GRIA4: variants seen among roughly 807,000 people sequenced by gnomAD.
GRIA4 encodes glutamate ionotropic receptor AMPA type subunit 4.
Under a neutral mutation model 104.0 loss-of-function variants are expected in GRIA4, and 34 were observed. The observed-to-expected ratio is 0.33, with a 90% CI of 0.25 to 0.44. The LOEUF (loss-of-function observed/expected upper bound fraction) is 0.44, where lower values mean the gene tolerates loss of function less well. Among genes scored for constraint, GRIA4 ranks in the 20% least tolerant of loss-of-function variants. GRIA4 has a pLI of 1.00. For synonymous variants in GRIA4, 386 were observed against 381.9 expected (o/e 1.01, Z -0.13); for missense variants, 750 against 1,096.5 (o/e 0.68, Z 4.46).
chr11:105,699,313 T>C (rs187369934), intron 3 of GRIA4, among the ~76,000 whole-genome samples: 1 of 152,298 alleles, frequency 6.6e-6, no homozygotes, highest in Admixed American at 6.5e-5. Flanking sequence ...ATTTCAAATA[T>C]AACCTGTGAG....
intron 3 of GRIA4, among the ~76,000 whole-genome samples, chr11:105,722,721 C>G (rs1392836314): frequency 6.6e-6 from 1 of 151,842 alleles, no homozygotes; most frequent in African/African-American, 2.4e-5. Flanking sequence ...TTTTGTTATA[C>G]ATGTATATAC....
At chr11:105,848,711 G>A (rs1944685556) in intron 4 of GRIA4, among the ~76,000 whole-genome samples, 1 of 152,148 alleles carries the variant, frequency 6.6e-6, no homozygotes, top group East Asian at 1.9e-4. Context: ...AAAGGTGTGG[G>A]CAAGCTTTAG....
intron 7 of GRIA4, among the ~76,000 whole-genome samples, chr11:105,903,066 C>T (rs1384548005): frequency 2.0e-5 from 3 of 152,062 alleles, no homozygotes; most frequent in Non-Finnish European, 4.4e-5. Flanking sequence ...GTGGGGGGAG[C>T]TCACTCTTTT....
intron 3 of GRIA4, among the ~76,000 whole-genome samples, chr11:105,619,133 C>T (rs1007288417): frequency 6.6e-6 from 1 of 150,798 alleles, no homozygotes; most frequent in Non-Finnish European, 1.5e-5. Flanking sequence ...GATATATTGG[C>T]CTAGAATGTT....
chr11:105,780,038 A>G (rs1025363411), intron 4 of GRIA4, among the ~76,000 whole-genome samples: 6 of 152,160 alleles, frequency 3.9e-5, no homozygotes, highest in African/African-American at 1.4e-4. Flanking sequence ...TCTCAAAGAG[A>G]TAATTGCAAC....
rs562430892 is a variant in GRIA4 at position 105,726,441 on chromosome 11, G to T, written c.248-26540G>T. Reference sequence around the variant, plus strand: ...CATCTCCTTCGCACAGGGCACCTGGGGGGAGGGGCAGCTGTGGGTGCACCT... The same window carrying T: ...CATCTCCTTCGCACAGGGCACCTGGTGGGAGGGGCAGCTGTGGGTGCACCT... On this transcript the variant is annotated intron_variant, in intron 3 of 16. Coordinates refer to ENST00000282499, the MANE Select transcript of GRIA4 (RefSeq NM_000829.4). Among the ~76,000 whole-genome samples the T allele has an allele frequency of 1.6e-4, 24 of 152,264 alleles. No homozygotes were observed. In the East Asian group the frequency reaches 3.7e-3, roughly 23 times the overall value.
At chr11:105,806,774 C>T (rs529739596) in intron 4 of GRIA4, among the ~76,000 whole-genome samples, 2 of 150,436 alleles carry the variant, frequency 1.3e-5, no homozygotes, top group African/African-American at 4.9e-5. Context: ...AACACTTTAA[C>T]GAGATAAGAG....
intron 4 of GRIA4, among the ~76,000 whole-genome samples, chr11:105,767,969 G>C (rs1326878710): frequency 2.6e-5 from 4 of 152,060 alleles, no homozygotes; most frequent in African/African-American, 9.7e-5. Flanking sequence ...GCAGGTCCTA[G>C]ACAGTTAACA....
chr11:105,764,201 ATCTCAGCTCAC>A (rs1466852571), intron 4 of GRIA4, among the ~76,000 whole-genome samples: 1 of 152,040 alleles, frequency 6.6e-6, no homozygotes, highest in East Asian at 1.9e-4. Context: ...CAGTGGCATG[ATCTCAGCTCAC>A]TGAGACCTCC....
At chr11:105,902,696 C>T (rs953790961) in intron 7 of GRIA4, among the ~76,000 whole-genome samples, 1 of 152,122 alleles carries the variant, frequency 6.6e-6, no homozygotes, top group Admixed American at 6.6e-5. Flanking sequence ...AGCACAAAAT[C>T]AAGGAGATCA....
intron 4 of GRIA4, among the ~76,000 whole-genome samples, chr11:105,791,902 G>C (rs977992036): frequency 9.2e-5 from 14 of 152,112 alleles, no homozygotes; most frequent in Non-Finnish European, 1.5e-4. Context: ...ATGACAAATA[G>C]GAAATGTAGA....
intron 6 of GRIA4, 142 bp downstream of exon 6, chr11:105,887,714 A>T (rs1946316426): frequency 1.8e-6 from 1 of 544,474 alleles, no homozygotes; most frequent in African/African-American, 2.0e-5. Flanking sequence ...TATTACAATG[A>T]TCATTAAATT....
intron 4 of GRIA4, among the ~76,000 whole-genome samples, chr11:105,771,060 C>T: frequency 6.6e-6 from 1 of 151,990 alleles, no homozygotes; most frequent in East Asian, 1.9e-4. Context: ...CTACACATAT[C>T]CAAAATTTCC....
At chr11:105,753,857 G>A (rs1399490276) in intron 4 of GRIA4, among the ~76,000 whole-genome samples, 1 of 152,100 alleles carries the variant, frequency 6.6e-6, no homozygotes, top group Non-Finnish European at 1.5e-5. Flanking sequence ...ACAAATAGAA[G>A]AAATGGATGG....
Position 105,918,829 on chromosome 11 carries a change from A to G in GRIA4, c.1387A>G (p.Lys463Glu), listed in dbSNP as rs760179220. The change falls in exon 11 of 17, where the codon AAA becomes GAA. Residue 463 changes from lysine (K) to glutamate (E), a missense_variant. Around this residue, in one of 3 missense-constraint regions of GRIA4, gnomAD observed 272 missense variants for 524.5 expected, o/e 0.52. Transcript: ENST00000282499. ...TGCAAAACATATTGGTATCAAGTAT[A>G]AAATTGCCATTGTCCCTGATGGAAA... ...EIAKHIGIKYKIAIVPDGKYG... is the reference protein window; with the variant it reads ...EIAKHIGIKYEIAIVPDGKYG... 5 of 1,607,542 alleles carry G rather than the reference A, an allele frequency of 3.1e-6. No homozygotes were observed. The highest frequency in any genetic ancestry group is 1.3e-5 in the African/African-American group (1 of 74,746).
At chr11:105,852,469 T>C (rs1446507325) in intron 4 of GRIA4, among the ~76,000 whole-genome samples, 1 of 152,122 alleles carries the variant, frequency 6.6e-6, no homozygotes, top group Non-Finnish European at 1.5e-5. Context: ...GAAATTTAAA[T>C]AACCTGCCTC....
chr11:105,679,136 G>A (rs994897909), intron 3 of GRIA4, among the ~76,000 whole-genome samples: 8 of 152,224 alleles, frequency 5.3e-5, no homozygotes, highest in African/African-American at 9.6e-5. Context: ...GGTAAAAACC[G>A]ACGTGGAAGT....
At chr11:105,974,802 G>T (rs1018866389) in intron 16 of GRIA4, 10 of 367,742 alleles carry the variant, frequency 2.7e-5, no homozygotes, top group Middle Eastern at 8.0e-4. Context: ...TCTGTGAAAT[G>T]ATTTAAACAG....
At chr11:105,841,246 T>A (rs1314600305) in intron 4 of GRIA4, among the ~76,000 whole-genome samples, 1 of 151,762 alleles carries the variant, frequency 6.6e-6, no homozygotes, top group Non-Finnish European at 1.5e-5. Context: ...AAAAAAAAAA[T>A]TCTTAAATCT....
Sources: allele counts gnomAD v4.1 joint callset (sites outside exome capture counted in the v4.1 genomes callset), GRCh38; gene constraint gnomAD v4.1.1; regional missense constraint gnomAD v4.1.1; transcripts MANE v1.5; gene names NCBI Gene and HGNC (gene_info 2026-07-23, HGNC 2026-07-21).